Variants in NAALADL2 observed in about 807,000 individuals in gnomAD.
NAALADL2 encodes N-acetylated alpha-linked acidic dipeptidase like 2, also known as inactive N-acetylated-alpha-linked acidic dipeptidase-like protein 2.
Under a neutral mutation model 87.2 loss-of-function variants are expected in NAALADL2, and 76 were observed. The ratio of observed to expected loss-of-function variants is 0.87; its 90% CI spans 0.72 to 1.05. The LOEUF (loss-of-function observed/expected upper bound fraction) is 1.05. Among genes scored for constraint, NAALADL2 ranks in the 50% least tolerant of loss-of-function variants. The pLI, the probability that NAALADL2 is intolerant of heterozygous loss-of-function variation, is 0.00. For missense variants in NAALADL2, 1,089 were observed against 945.8 expected (o/e 1.15, Z -1.99); for synonymous variants, 354 against 331.0 (o/e 1.07, Z -0.75).
At chr3:175,128,532 T>C (rs1727313804) in intron 2 of NAALADL2, among the ~76,000 whole-genome samples, 1 of 152,190 alleles carries the variant, frequency 6.6e-6, no homozygotes, top group Non-Finnish European at 1.5e-5. Context: ...TTTTGTTCTG[T>C]ATTCTCATCA....
chr3:175,636,814 T>G (rs1030209770), intron 11 of NAALADL2, among the ~76,000 whole-genome samples: 6 of 152,264 alleles, frequency 3.9e-5, no homozygotes, highest in Admixed American at 2.0e-4. Flanking sequence ...CGCAACTGAT[T>G]TTTTGGATAG....
chr3:175,233,801 G>A (rs1745375807), intron 2 of NAALADL2, 130 bp from the exon 3 acceptor site: 2 of 611,098 alleles, frequency 3.3e-6, no homozygotes, highest in Admixed American at 3.0e-5. Context: ...TCATGTGATA[G>A]GGTCCTGTCT....
chr3:175,097,722 A>G (rs1721401841), intron 2 of NAALADL2, among the ~76,000 whole-genome samples: 1 of 152,158 alleles, frequency 6.6e-6, no homozygotes, highest in Admixed American at 6.6e-5. Context: ...AGTTTCACCG[A>G]TGTCATATAA....
At chr3:175,517,984 A>G (rs1266091128) in intron 9 of NAALADL2, among the ~76,000 whole-genome samples, 1 of 152,042 alleles carries the variant, frequency 6.6e-6, no homozygotes, top group Non-Finnish European at 1.5e-5. Context: ...GGCCAGTGCC[A>G]TGTTGTCTGC....
intron 1 of NAALADL2, among the ~76,000 whole-genome samples, chr3:174,942,074 C>T (rs949423378): frequency 6.6e-5 from 10 of 151,606 alleles, no homozygotes; most frequent in Admixed American, 2.0e-4. Flanking sequence ...GTTGGCTTCT[C>T]GGGTTGCTTT....
chr3:175,398,144 G>C (rs1163543532), intron 5 of NAALADL2, among the ~76,000 whole-genome samples: 1 of 152,052 alleles, frequency 6.6e-6, no homozygotes, highest in Non-Finnish European at 1.5e-5. Flanking sequence ...CATCATGCTT[G>C]TTTAGCAGGG....
intron 8 of NAALADL2, among the ~76,000 whole-genome samples, chr3:175,468,844 G>A (rs1349665785): frequency 6.6e-6 from 1 of 152,008 alleles, no homozygotes; most frequent in African/African-American, 2.4e-5. Context: ...TTGCATGTGT[G>A]TGAGCGATAG....
chr3:175,145,754 T>A (rs1216857073), intron 2 of NAALADL2, among the ~76,000 whole-genome samples: 3 of 152,080 alleles, frequency 2.0e-5, no homozygotes, highest in African/African-American at 7.2e-5. Flanking sequence ...AAATTATTAC[T>A]TTGGCAATAA....
chr3:174,595,954 G>T (rs1003287312), intron 2 of NAALADL2, among the ~76,000 whole-genome samples: 1 of 152,272 alleles, frequency 6.6e-6, no homozygotes, highest in East Asian at 1.9e-4. Context: ...GGAGGTTGTG[G>T]TGAGCTGAGA....
intron 10 of NAALADL2, among the ~76,000 whole-genome samples, chr3:175,611,027 G>C (rs1377799776): frequency 6.6e-6 from 1 of 152,018 alleles, no homozygotes; most frequent in African/African-American, 2.4e-5. Context: ...GAGCTAAAGT[G>C]CATAATTAAA....
At chr3:174,866,594 TA>T (rs1727175067) in intron 1 of NAALADL2, among the ~76,000 whole-genome samples, 1 of 151,848 alleles carries the variant, frequency 6.6e-6, no homozygotes, top group South Asian at 2.1e-4. Context: ...CCAGAGTTCC[TA>T]ATGAATTTTA....
chr3:175,054,025 G>T (rs1480028428), intron 1 of NAALADL2, among the ~76,000 whole-genome samples: 1 of 152,186 alleles, frequency 6.6e-6, no homozygotes, highest in Non-Finnish European at 1.5e-5. Context: ...GGTAAATAAA[G>T]TCATCAGTTG....
rs987752862 is a variant in NAALADL2, at chr3:174,934,862, A to G, written c.43+75412A>G. ...ATAGAGGAATTATAGGATACGTTCAATCATTTGAAATTTTTGAATGTCATC... is the reference window on the plus strand; with the variant it reads ...ATAGAGGAATTATAGGATACGTTCAGTCATTTGAAATTTTTGAATGTCATC... On this transcript the variant is annotated intron_variant, in intron 1 of 13. Coordinates refer to ENST00000454872, the MANE Select transcript of NAALADL2 (RefSeq NM_207015.3). Among the ~76,000 whole-genome samples the G allele has an allele frequency of 6.6e-5, 10 of 151,886 alleles. No homozygotes were observed. In the South Asian group the frequency reaches 1.4e-3, roughly 22 times the overall value.
intron 3 of NAALADL2, among the ~76,000 whole-genome samples, chr3:174,836,418 G>C (rs574885674): frequency 2.0e-5 from 3 of 152,248 alleles, no homozygotes; most frequent in South Asian, 4.1e-4. Context: ...ACAACAATGT[G>C]AATGTGCTTA....
In NAALADL2 at chr3:175,371,548, G is replaced by A. The variant is rs550794377; in HGVS notation, c.1090+47223G>A. On this transcript the variant is annotated intron_variant, in intron 5 of 13. Transcript: ENST00000454872. ...AGTCCTTTGAGAATGATATGAGCTGGGCACGACGGCTCATGCTTGTAATCC... is the reference window on the plus strand; with the variant it reads ...AGTCCTTTGAGAATGATATGAGCTGAGCACGACGGCTCATGCTTGTAATCC... 3.9e-5 allele frequency among the ~76,000 whole-genome samples: 6 copies of A among 152,152 alleles called. No individual in the cohort carries two copies. In the East Asian group the frequency reaches 9.7e-4, roughly 24 times the overall value.
chr3:175,137,037 T>G (rs1256722414), intron 2 of NAALADL2, among the ~76,000 whole-genome samples: 1 of 152,166 alleles, frequency 6.6e-6, no homozygotes, highest in Non-Finnish European at 1.5e-5. Flanking sequence ...AATGATGGAA[T>G]TTGTTGAAAT....
chr3:174,497,446 T>C lies in NAALADL2; in HGVS notation c.-183-53123T>C, dbSNP rs75883119. Among the ~76,000 whole-genome samples the C allele has an allele frequency of 9.3e-3, 1,399 of 150,056 alleles. 14 individuals are homozygous for C. Among genetic ancestry groups the C allele is most frequent in the African/African-American group, 0.033 (1,353 of 41,028 alleles). ...GAGTTTAAAACCAGCCTGGGCAACA[T>C]AGCAAGATATGATCTCTATTTAAAA... is the stretch of plus-strand genomic sequence containing the variant. On this transcript the variant is annotated intron_variant, in intron 1 of 3. Transcript: ENST00000434257.
intron 10 of NAALADL2, among the ~76,000 whole-genome samples, chr3:175,624,911 G>A (rs1726775249): frequency 6.6e-6 from 1 of 152,014 alleles, no homozygotes; most frequent in African/African-American, 2.4e-5. Context: ...ACACATGTAT[G>A]TACACACTGA....
chr3:174,996,993 G>GGTGTGTGTGT (rs34590643), intron 1 of NAALADL2, among the ~76,000 whole-genome samples: 2 of 121,574 alleles, frequency 1.6e-5, no homozygotes, highest in Non-Finnish European at 3.4e-5. Flanking sequence ...TATTCCAAGG[G>GGTGTGTGTGT]GTGTGTGTGT....
Sources: allele counts gnomAD v4.1 joint callset (sites outside exome capture counted in the v4.1 genomes callset), GRCh38; gene constraint gnomAD v4.1.1; transcripts MANE v1.5; gene names NCBI Gene and HGNC (gene_info 2026-07-23, HGNC 2026-07-21).